SOX5: variants seen among roughly 807,000 people sequenced by gnomAD.
SOX5 encodes SRY-box transcription factor 5, also known as transcription factor SOX-5.
Under a neutral mutation model 92.0 loss-of-function variants are expected in SOX5, and 9 were observed. The ratio of observed to expected loss-of-function variants is 0.10; its 90% confidence interval spans 0.06 to 0.17. The LOEUF (loss-of-function observed/expected upper bound fraction) is 0.17, where lower values mean the gene tolerates loss of function less well. Ranked by LOEUF, SOX5 falls within the 10% of genes least tolerant of loss-of-function variation. SOX5 has a pLI of 1.00. For missense variants in SOX5, 642 were observed against 944.5 expected (o/e 0.68, Z 4.20); for synonymous variants, 344 against 336.3 (o/e 1.02, Z -0.25).
chr12:24,466,804 A>G (rs2137566999), intron 1 of SOX5, among the ~76,000 whole-genome samples: 1 of 152,258 alleles, frequency 6.6e-6, no homozygotes, highest in South Asian at 2.1e-4. Context: ...TTGAGAATGG[A>G]CTCCAAGAAA....
chr12:23,831,639 G>A (rs951229508), intron 3 of SOX5, among the ~76,000 whole-genome samples: 2 of 152,046 alleles, frequency 1.3e-5, no homozygotes, highest in Non-Finnish European at 2.9e-5. Context: ...CATACTAAAG[G>A]CAATGAACTG....
At chr12:23,838,479 A>G (rs1021778055) in intron 3 of SOX5, among the ~76,000 whole-genome samples, 3 of 151,982 alleles carry the variant, frequency 2.0e-5, no homozygotes, top group Non-Finnish European at 4.4e-5. Flanking sequence ...GTAAACATCA[A>G]TGCATCTTAG....
chr12:23,819,753 G>A (rs529815905), intron 3 of SOX5, among the ~76,000 whole-genome samples: 6 of 152,264 alleles, frequency 3.9e-5, no homozygotes, highest in Non-Finnish European at 8.8e-5. Context: ...CAAAGGACAT[G>A]AACTCATTTT....
In SOX5 at chr12:24,050,031, A is replaced by T. The variant is rs1014357547; in HGVS notation, c.-1-154007T>A. ...CAGATAGTAAGCAGGTATGTTTATG[A>T]GTTTAAGATTCTTATTTTCTTTCAA... On this transcript the variant is annotated intron_variant, in intron 4 of 4. Transcript: ENST00000446891. 4.1e-4 allele frequency among the ~76,000 whole-genome samples: 52 copies of T among 126,602 alleles called. 1 individual carries two copies. Among genetic ancestry groups the T allele is most frequent in the Non-Finnish European group, 3.2e-5 (2 of 63,088 alleles). The allele number at this position is 126,602 out of a possible 152,430, so 83.1% of individuals were successfully genotyped here.
chr12:23,732,093 T>C (rs1050774714), intron 6 of SOX5, among the ~76,000 whole-genome samples: 2 of 152,310 alleles, frequency 1.3e-5, no homozygotes, highest in South Asian at 2.1e-4. Flanking sequence ...ATAAATCTTA[T>C]AATATTTGCT....
At chr12:24,084,074 T>A (rs78867381) in intron 4 of SOX5, among the ~76,000 whole-genome samples, 7 of 152,036 alleles carry the variant, frequency 4.6e-5, no homozygotes, top group African/African-American at 1.7e-4. Flanking sequence ...TCTGTATGAT[T>A]TGGAAACCAC....
chr12:24,427,372 A>T (rs1966849117), intron 1 of SOX5, among the ~76,000 whole-genome samples: 1 of 152,206 alleles, frequency 6.6e-6, no homozygotes, highest in Non-Finnish European at 1.5e-5. Flanking sequence ...AAATAACTAA[A>T]ATATTGCAAG....
intron 4 of SOX5, among the ~76,000 whole-genome samples, chr12:24,188,704 T>G (rs1956242730): frequency 6.6e-6 from 1 of 152,120 alleles, no homozygotes; most frequent in Non-Finnish European, 1.5e-5. Context: ...ACTTATAAGT[T>G]TAGATGTCAT....
intron 3 of SOX5, among the ~76,000 whole-genome samples, chr12:24,214,335 A>C (rs1958992472): frequency 6.6e-6 from 1 of 152,142 alleles, no homozygotes; most frequent in Non-Finnish European, 1.5e-5. Context: ...ATGTTTTTGC[A>C]AATTTATCTA....
chr12:24,016,615 AT>A (rs1271212296), intron 4 of SOX5, among the ~76,000 whole-genome samples: 2 of 152,180 alleles, frequency 1.3e-5, no homozygotes, highest in Non-Finnish European at 2.9e-5. Flanking sequence ...AAATTGTTGT[AT>A]TTGCTAATAA....
chr12:23,714,600 G>A (rs1023238729), intron 6 of SOX5, among the ~76,000 whole-genome samples: 8 of 152,068 alleles, frequency 5.3e-5, no homozygotes, highest in Non-Finnish European at 8.8e-5. Context: ...CAGTGCGGGT[G>A]ACAGAGTGAA....
At chr12:24,369,972 A>G (rs1595991075) in intron 1 of SOX5, among the ~76,000 whole-genome samples, 1 of 152,102 alleles carries the variant, frequency 6.6e-6, no homozygotes, top group East Asian at 1.9e-4. Flanking sequence ...CCCATTGCTT[A>G]TTTTTTCTCA....
At chr12:23,724,534 C>A (rs2093008123) in intron 6 of SOX5, among the ~76,000 whole-genome samples, 1 of 152,042 alleles carries the variant, frequency 6.6e-6, no homozygotes, top group African/African-American at 2.4e-5. Flanking sequence ...CTAAATAGTT[C>A]ATGGTTTACA....
chr12:24,232,106 T>C (rs1963517790), intron 3 of SOX5, among the ~76,000 whole-genome samples: 1 of 152,184 alleles, frequency 6.6e-6, no homozygotes, highest in South Asian at 2.1e-4. Context: ...CCTGTGTTTT[T>C]TCTTTTTTTT....
At chr12:23,969,091 T>C (rs976474907) in intron 4 of SOX5, among the ~76,000 whole-genome samples, 22 of 152,184 alleles carry the variant, frequency 1.4e-4, no homozygotes, top group African/African-American at 5.3e-4. Context: ...TCCACCTAAT[T>C]GTTTGGGCCA....
chr12:23,846,089 A>G lies in SOX5; in HGVS notation c.375T>C (p.Ser125=), dbSNP rs748674353. The change falls in exon 3 of 15, where the codon TCT becomes TCC. Residue 125 remains serine (S), a synonymous_variant. Coordinates refer to ENST00000451604, the MANE Select transcript of SOX5 (RefSeq NM_006940.6). The part of the protein sequence containing the change: ...EGGRQSGESL[S]STALGTPERR... ...GTTCAGGAGTTCCCAGGGCTGTACTAGACAAGGACTCGCCACTCTGTCGCC... is the reference window on the plus strand; with the variant it reads ...GTTCAGGAGTTCCCAGGGCTGTACTGGACAAGGACTCGCCACTCTGTCGCC... The G allele has an allele frequency of 1.2e-6, 2 of 1,613,972 alleles. No homozygotes were observed. Among genetic ancestry groups the G allele is most frequent in the Non-Finnish European group, 1.7e-6 (2 of 1,179,978 alleles).
intron 4 of SOX5, among the ~76,000 whole-genome samples, chr12:24,075,937 G>C (rs1942527463): frequency 6.6e-6 from 1 of 152,152 alleles, no homozygotes. Flanking sequence ...GTTAGCAATT[G>C]GAGAGGAAGA....
intron 4 of SOX5, among the ~76,000 whole-genome samples, chr12:23,743,252 G>A (rs753858452): frequency 6.6e-6 from 1 of 152,108 alleles, no homozygotes; most frequent in African/African-American, 2.4e-5. Context: ...AGCAAATTTA[G>A]CTACATATTA....
At chr12:24,425,223 G>A (rs568878845) in intron 1 of SOX5, among the ~76,000 whole-genome samples, 4 of 152,274 alleles carry the variant, frequency 2.6e-5, no homozygotes, top group Admixed American at 6.5e-5. Context: ...TCTTCGTGAT[G>A]TTATCTCTCT....
Sources: gnomAD v4.1 joint callset for allele counts (sites outside exome capture counted in the v4.1 genomes callset) on GRCh38, gnomAD v4.1.1 for gene constraint, MANE v1.5 for transcripts, NCBI Gene and HGNC (gene_info 2026-07-23, HGNC 2026-07-21) for gene names.